The following CFAP210 variants were observed in gnomAD, a reference collection of about 807,000 sequenced individuals.
CFAP210 encodes the protein cilia and flagella associated protein 210.
chr2:169,685,851 C>T, the CFAP210 span, among the ~76,000 whole-genome samples: 2 of 151,970 alleles, frequency 1.3e-5, no homozygotes, highest in African/African-American at 4.8e-5. Context: ...CCACTTATCC[C>T]AGCACCATTT....
the CFAP210 span, among the ~76,000 whole-genome samples, chr2:169,674,220 G>C: frequency 6.6e-6 from 1 of 152,104 alleles, no homozygotes; most frequent in Non-Finnish European, 1.5e-5. Context: ...TATACACATG[G>C]AGCGGATCAG....
At chr2:169,674,815 A>G in the CFAP210 span, 1 of 1,501,546 alleles carries the variant, frequency 6.7e-7, no homozygotes, top group Non-Finnish European at 8.9e-7. Flanking sequence ...ATGCCTAATT[A>G]TGTACAGATA....
the CFAP210 span, among the ~76,000 whole-genome samples, chr2:169,686,279 CTATTGTCCT>C: frequency 0.027 from 4,154 of 152,248 alleles, 79 homozygotes; most frequent in East Asian, 0.11. Context: ...TTTAGCTATT[CTATTGTCCT>C]TTTCATTTCC....
the CFAP210 span, among the ~76,000 whole-genome samples, chr2:169,678,816 C>T: frequency 1.3e-5 from 2 of 151,548 alleles, no homozygotes; most frequent in Non-Finnish European, 2.9e-5. Context: ...CAGAGTGAGA[C>T]TCCATTTCAA....
chr2:169,646,065 T>C, the CFAP210 span: 3 of 1,613,934 alleles, frequency 1.9e-6, no homozygotes, highest in Admixed American at 3.3e-5. Context: ...TCAAGTTCAA[T>C]TACCTCTCTG....
the CFAP210 span, among the ~76,000 whole-genome samples, chr2:169,687,382 A>G: frequency 2.0e-5 from 3 of 152,184 alleles, no homozygotes; most frequent in African/African-American, 7.2e-5. Flanking sequence ...GAGCCTGTAA[A>G]ATGAAAAGCA....
chr2:169,664,026 TAAA>T, the CFAP210 span, among the ~76,000 whole-genome samples: 6 of 102,026 alleles, frequency 5.9e-5, no homozygotes, highest in Non-Finnish European at 5.9e-5. Flanking sequence ...CCAACTCTAC[TAAA>T]AAAAAAAAAA....
the CFAP210 span, among the ~76,000 whole-genome samples, chr2:169,671,843 G>A: frequency 1.3e-5 from 2 of 152,218 alleles, no homozygotes; most frequent in Non-Finnish European, 2.9e-5. Context: ...CTGGCAAAAG[G>A]AGGTTGTTCA....
At chr2:169,675,890 A>C in the CFAP210 span, among the ~76,000 whole-genome samples, 1 of 152,192 alleles carries the variant, frequency 6.6e-6, no homozygotes, top group Admixed American at 6.5e-5. Flanking sequence ...TTCACTCCTC[A>C]TGTCATATGA....
At chr2:169,666,585 C>T in the CFAP210 span, among the ~76,000 whole-genome samples, 1 of 151,704 alleles carries the variant, frequency 6.6e-6, no homozygotes, top group South Asian at 2.1e-4. Context: ...TCTACATCTA[C>T]TGATGTAGCC....
the CFAP210 span, among the ~76,000 whole-genome samples, chr2:169,653,056 A>ATGTATATG: frequency 9.8e-6 from 1 of 101,992 alleles, no homozygotes; most frequent in African/African-American, 3.7e-5. Context: ...ATATATATAT[A>ATGTATATG]TATATATATA....
the CFAP210 span, among the ~76,000 whole-genome samples, chr2:169,681,715 G>A: frequency 6.6e-6 from 1 of 152,282 alleles, no homozygotes; most frequent in African/African-American, 2.4e-5. Flanking sequence ...CCCAGGGTGG[G>A]CCTAATTGGT....
At chr2:169,668,009 A>G in the CFAP210 span, among the ~76,000 whole-genome samples, 5 of 152,202 alleles carry the variant, frequency 3.3e-5, no homozygotes, top group African/African-American at 7.2e-5. Context: ...TCTAGCTATG[A>G]AAGTCCTAGA....
the CFAP210 span, chr2:169,661,262 G>GT: frequency 7.2e-6 from 4 of 556,600 alleles, no homozygotes; most frequent in Admixed American, 1.9e-5. Context: ...CTGTATGACT[G>GT]TAAGTCCTCC....
the CFAP210 span, among the ~76,000 whole-genome samples, chr2:169,657,402 C>T: frequency 2.6e-5 from 4 of 152,032 alleles, no homozygotes; most frequent in African/African-American, 9.6e-5. Flanking sequence ...TAAAACCATT[C>T]GGACAGAAAG....
the CFAP210 span, chr2:169,646,009 T>TA: frequency 1.9e-6 from 3 of 1,613,980 alleles, no homozygotes; most frequent in Non-Finnish European, 2.5e-6. Flanking sequence ...GTCCTTCCTG[T>TA]ACAGCTTTTA....
the CFAP210 span, among the ~76,000 whole-genome samples, chr2:169,655,239 A>T: frequency 6.6e-6 from 1 of 152,002 alleles, no homozygotes; most frequent in African/African-American, 2.4e-5. Flanking sequence ...CTCAAGGGAA[A>T]CTCCCACCTC....
At chr2:169,675,182 T>C in the CFAP210 span, 1 of 686,026 alleles carries the variant, frequency 1.5e-6, no homozygotes, top group Non-Finnish European at 2.2e-6. Context: ...GAGGCTACAC[T>C]TATGAGCTTA....
the CFAP210 span, among the ~76,000 whole-genome samples, chr2:169,688,283 T>C: frequency 1.3e-5 from 2 of 152,254 alleles, no homozygotes; most frequent in Non-Finnish European, 2.9e-5. Flanking sequence ...GGCTTGAATT[T>C]CTCCCCAGAA....
Sources: allele counts gnomAD v4.1 joint callset (sites outside exome capture counted in the v4.1 genomes callset), GRCh38; gene constraint gnomAD v4.1.1; transcripts MANE v1.5; gene names NCBI Gene and HGNC (gene_info 2026-07-23, HGNC 2026-07-21).